Variants in BRIP1 observed in about 807,000 individuals in gnomAD.
The protein encoded by BRIP1 is Fanconi anemia group J protein.
Under a neutral mutation model 119.7 loss-of-function variants are expected in BRIP1, and 88 were observed. That is an observed-to-expected ratio of 0.74 (90% CI 0.62 to 0.88). The LOEUF (loss-of-function observed/expected upper bound fraction) is 0.88, where lower values mean the gene tolerates loss of function less well. Among genes scored for constraint, BRIP1 ranks in the 40% least tolerant of loss-of-function variants. The pLI, the probability that BRIP1 is intolerant of heterozygous loss-of-function variation, is 0.00. For synonymous variants in BRIP1, 443 were observed against 496.5 expected, an observed-to-expected ratio of 0.89 and a Z score of 1.43; for missense variants, 1,259 against 1,455.4, an observed-to-expected ratio of 0.87 and a Z score of 2.20.
intron 17 of BRIP1, among the ~76,000 whole-genome samples, chr17:61,714,997 C>T (rs2061838384): frequency 6.6e-6 from 1 of 151,836 alleles, no homozygotes; most frequent in Non-Finnish European, 1.5e-5. Flanking sequence ...GCCAGGAGTT[C>T]CAGACCAGCC....
intron 10 of BRIP1, among the ~76,000 whole-genome samples, chr17:61,791,105 G>T (rs1201270531): frequency 1.3e-5 from 2 of 152,000 alleles, no homozygotes; most frequent in African/African-American, 2.4e-5. Flanking sequence ...CACATGCCCC[G>T]AATACTATTG....
In BRIP1 at chr17:61,852,283, G is replaced by A. The variant is rs752798145; in HGVS notation, c.380-3027C>T. ...GAGTTTGAAGGAAGTTCATCAAAGG[G>A]GTAAAATCTTTAAGATACAAAGTTA... On this transcript the variant is annotated intron_variant, in intron 4 of 19. Coordinates refer to ENST00000259008, the MANE Select transcript of BRIP1 (RefSeq NM_032043.3). This position sits in a 1 kb window ranked among gnomAD's most constrained non-coding sequence, Gnocchi z 4.9. Among the ~76,000 whole-genome samples, 4 of 152,006 alleles carry A rather than the reference G, an allele frequency of 2.6e-5. No individual in the cohort carries two copies. The highest frequency in any genetic ancestry group is 2.9e-5 in the Non-Finnish European group (2 of 67,990).
rs140408152 is a variant in BRIP1 at position 61,812,029 on chromosome 17, G to A, written c.628-3272C>T. ...AAACTGATTGTAGTAATATAACAAA[G>A]GCTTCAAAAAGTCACTTATAACAAA... On this transcript the variant is annotated intron_variant, in intron 6 of 19. Transcript: ENST00000259008. Among the ~76,000 whole-genome samples, 1,028 of 152,076 alleles carry A rather than the reference G, an allele frequency of 6.8e-3. 9 individuals carry two copies. Among genetic ancestry groups the A allele is most frequent in the African/African-American group, 0.023 (946 of 41,470 alleles).
rs1233246563 is a variant in BRIP1 at position 61,843,091 on chromosome 17, G to A, written c.627+4010C>T. On this transcript the variant is annotated intron_variant, in intron 6 of 19. Coordinates refer to ENST00000259008, the MANE Select transcript of BRIP1 (RefSeq NM_032043.3). This position sits in a 1 kb window ranked among gnomAD's most constrained non-coding sequence, Gnocchi z 5.7. Reference sequence around the variant, plus strand: ...GATGAACCTGGAGGGAGGACATTATGCAAAGTGAAATATGTCAGATGTAGA... The same window carrying A: ...GATGAACCTGGAGGGAGGACATTATACAAAGTGAAATATGTCAGATGTAGA... Among the ~76,000 whole-genome samples, 2 of 152,184 alleles carry A rather than the reference G, an allele frequency of 1.3e-5. No individual in the cohort carries two copies. The highest frequency in any genetic ancestry group is 2.9e-5 in the Non-Finnish European group (2 of 68,032).
At chr17:61,836,325 A>G (rs1470761015) in intron 6 of BRIP1, among the ~76,000 whole-genome samples, 1 of 152,082 alleles carries the variant, frequency 6.6e-6, no homozygotes, top group African/African-American at 2.4e-5. Context: ...TATGTTGCCC[A>G]GGCTGATCTC....
rs1312846252 is a variant in BRIP1, at chr17:61,693,023, A to G, written c.2575+407T>C. On this transcript the variant is annotated intron_variant, in intron 18 of 19. Transcript: ENST00000259008. This position sits in a 1 kb window ranked among gnomAD's most constrained non-coding sequence, Gnocchi z 4.2. ...AAATATGGTATAATGTATACATAAAATAAAATATTAAGCAGTCATTGAAAA... is the reference window on the plus strand; with the variant it reads ...AAATATGGTATAATGTATACATAAAGTAAAATATTAAGCAGTCATTGAAAA... Among the ~76,000 whole-genome samples the G allele has an allele frequency of 6.6e-6, 1 of 152,232 alleles. No homozygotes were observed. Among genetic ancestry groups the G allele is most frequent in the Non-Finnish European group, 1.5e-5 (1 of 68,028 alleles).
chr17:61,840,551 T>A (rs2078643862), intron 6 of BRIP1, among the ~76,000 whole-genome samples: 1 of 152,036 alleles, frequency 6.6e-6, no homozygotes. Flanking sequence ...CCAAGGCAGG[T>A]GGATCGCTTA....
At position 61,780,510 on chromosome 17, in the gene BRIP1, T is replaced by C. The variant is rs983953903; in HGVS notation, c.1795-109A>G. The C allele has an allele frequency of 5.8e-6, 6 of 1,028,906 alleles. No homozygotes were observed. The highest frequency in any genetic ancestry group is 3.6e-5 in the Admixed American group (2 of 55,054). The allele number at this position is 1,028,906 out of a possible 1,614,324, so 63.7% of individuals were successfully genotyped here. A position where few individuals can be genotyped will look rare whatever the true frequency, so the allele number is the denominator to read the frequency against. On this transcript the variant is annotated intron_variant, in intron 12 of 19. Transcript: ENST00000259008. This position sits in a 1 kb window ranked among gnomAD's most constrained non-coding sequence, Gnocchi z 5.4. ...TGGGAGGCTGAAGCAGGAAGATCGC[T>C]TGAGTCTAGGAGTCTGAGACCAGCC... is the stretch of plus-strand genomic sequence containing the variant.
intron 1 of BRIP1, among the ~76,000 whole-genome samples, chr17:61,863,067 G>A (rs1349325579): frequency 6.6e-6 from 1 of 152,062 alleles, no homozygotes; most frequent in Non-Finnish European, 1.5e-5. Flanking sequence ...ACACCCCTCT[G>A]CCTCCCGCCA....
At position 61,857,377 on chromosome 17, in the gene BRIP1, G is replaced by C. The variant is rs2078913368; in HGVS notation, c.206-146C>G. On this transcript the variant is annotated intron_variant, in intron 3 of 19. Transcript: ENST00000259008. The surrounding 1 kb of genome is among the most constrained non-coding windows in gnomAD (Gnocchi z 5.1). ...ACCAGGAAGGTACCTGGCAAACCTG[G>C]ACAAGCTGGTCACTTTATCTGCAGC... 1 of 673,606 alleles carries C rather than the reference G, an allele frequency of 1.5e-6. No individual in the cohort carries two copies. The highest frequency in any genetic ancestry group is 2.4e-6 in the Non-Finnish European group (1 of 412,042). The allele number at this position is 673,606 out of a possible 1,614,324, so 41.7% of individuals were successfully genotyped here. A position where few individuals can be genotyped will look rare whatever the true frequency, so the allele number is the denominator to read the frequency against.
chr17:61,801,600 C>T lies in BRIP1; in HGVS notation c.919-126G>A, dbSNP rs1041122045. ...GGCTAAGATTTTACTGGCTACGCCA[C>T]CACACCTGGCTAATTTTTTGTCTTT... On this transcript the variant is annotated intron_variant, in intron 7 of 19. Transcript: ENST00000259008. The T allele has an allele frequency of 6.4e-5, 54 of 848,746 alleles. 2 individuals carry two copies. In the Middle Eastern group the frequency reaches 1.4e-3, roughly 22 times the overall value. 52.6% of individuals were successfully genotyped at this position (848,746 alleles called of 1,614,324 possible).
chr17:61,715,148 C>T (rs893658324), intron 17 of BRIP1, among the ~76,000 whole-genome samples: 25 of 151,126 alleles, frequency 1.7e-4, no homozygotes, highest in Admixed American at 5.9e-4. Context: ...TGCAGTGAGC[C>T]GATATCACGC....
At position 61,755,878 on chromosome 17, in the gene BRIP1, T is replaced by C. The variant is rs557976231; in HGVS notation, c.2098-11287A>G. On this transcript the variant is annotated intron_variant, in intron 14 of 19. Coordinates refer to ENST00000259008, the MANE Select transcript of BRIP1 (RefSeq NM_032043.3). This position sits in a 1 kb window ranked among gnomAD's most constrained non-coding sequence, Gnocchi z 4.5. ...TTGGAAGGTCTGACGAAGTGGTATG[T>C]CCTCTGGGTCTATCCGGATTTTAGT... Among the ~76,000 whole-genome samples, 52 of 152,336 alleles carry C rather than the reference T, an allele frequency of 3.4e-4. No individual in the cohort carries two copies. Among genetic ancestry groups the C allele is most frequent in the Middle Eastern group, 3.4e-3 (1 of 294 alleles).
rs45466996 is a variant in BRIP1 at position 61,684,055 on chromosome 17, T to G, written c.2991A>C (p.Thr997=). The G allele has an allele frequency of 6.2e-7, 1 of 1,613,562 alleles. No individual in the cohort carries two copies. The highest frequency in any genetic ancestry group is 8.5e-7 in the Non-Finnish European group (1 of 1,179,854). Residue 997 remains threonine (T), a synonymous_variant, in exon 20 of 20, where the codon ACA becomes ACC. Transcript: ENST00000259008. The surrounding 1 kb of genome is among the most constrained non-coding windows in gnomAD (Gnocchi z 4.5). ...RSTSPTFNKQ[T]KRVSWSSFNS... ...TAAAGCTTGACCAGCTAACTCTCTT[T>G]GTTTGTTTGTTGAAAGTTGGGCTTG...
rs1298275334 is a variant in BRIP1 at position 61,724,603 on chromosome 17, G to A, written c.2380-8540C>T. The stretch of plus-strand genomic sequence containing the variant: ...CATTTTACTGCTGCTTCACATGAAA[G>A]ATGGTGGATTTTATCCCAACTCATA... On this transcript the variant is annotated intron_variant, in intron 16 of 19. Transcript: ENST00000259008. This position sits in a 1 kb window ranked among gnomAD's most constrained non-coding sequence, Gnocchi z 5.1. 6.6e-6 allele frequency among the ~76,000 whole-genome samples: 1 copy of A among 152,114 alleles called. No homozygotes were observed. The highest frequency in any genetic ancestry group is 1.5e-5 in the Non-Finnish European group (1 of 68,008).
At chr17:61,696,036 C>T (rs1451769630) in intron 17 of BRIP1, among the ~76,000 whole-genome samples, 2 of 152,070 alleles carry the variant, frequency 1.3e-5, no homozygotes, top group African/African-American at 2.4e-5. Flanking sequence ...AAATCACTGT[C>T]GTGATCTTGA....
chr17:61,691,713 C>G lies in BRIP1; in HGVS notation c.2575+1717G>C, dbSNP rs1438153959. Among the ~76,000 whole-genome samples, 1 of 152,186 alleles carries G rather than the reference C, an allele frequency of 6.6e-6. No individual in the cohort carries two copies. Among genetic ancestry groups the G allele is most frequent in the Non-Finnish European group, 1.5e-5 (1 of 68,036 alleles). ...TCGTGATCCACCTGCCTTGGCCTCC[C>G]AAAACACTGGGATTACAGGCGTGAG... is the stretch of plus-strand genomic sequence containing the variant. On this transcript the variant is annotated intron_variant, in intron 18 of 19. Transcript: ENST00000259008. The surrounding 1 kb of genome is among the most constrained non-coding windows in gnomAD (Gnocchi z 5.0).
chr17:61,829,002 G>A (rs1323884524), intron 6 of BRIP1, among the ~76,000 whole-genome samples: 1 of 152,064 alleles, frequency 6.6e-6, no homozygotes, highest in East Asian at 1.9e-4. Flanking sequence ...AGTGGTGAAG[G>A]TAAAGTAGAA....
At position 61,789,425 on chromosome 17, in the gene BRIP1, T is replaced by C. The variant is rs2145202804; in HGVS notation, c.1473+4172A>G. On this transcript the variant is annotated intron_variant, in intron 10 of 19. Coordinates refer to ENST00000259008, the MANE Select transcript of BRIP1 (RefSeq NM_032043.3). The surrounding 1 kb of genome is among the most constrained non-coding windows in gnomAD (Gnocchi z 4.8). ...TCCATACAGGAAAAAAATTGATTCATAAATTCACAACATAAACAAAATGAA... is the reference window on the plus strand; with the variant it reads ...TCCATACAGGAAAAAAATTGATTCACAAATTCACAACATAAACAAAATGAA... Among the ~76,000 whole-genome samples the C allele has an allele frequency of 2.6e-5, 4 of 152,242 alleles. No homozygotes were observed. In the South Asian group the frequency reaches 8.3e-4, roughly 32 times the overall value.
Sources: allele counts gnomAD v4.1 joint callset (sites outside exome capture counted in the v4.1 genomes callset), GRCh38; gene constraint gnomAD v4.1.1; non-coding constraint Gnocchi (gnomAD v3.1); transcripts MANE v1.5; gene names NCBI Gene and HGNC (gene_info 2026-07-23, HGNC 2026-07-21).